Variants in DIP2A observed in about 807,000 individuals in gnomAD.
DIP2A encodes the protein disco-interacting protein 2 homolog A.
Under a neutral mutation model 177.4 loss-of-function variants are expected in DIP2A, and 85 were observed. The observed-to-expected ratio is 0.48, with a 90% confidence interval of 0.40 to 0.57. DIP2A has a LOEUF of 0.57. Among genes scored for constraint, DIP2A ranks in the 20% least tolerant of loss-of-function variants. The pLI is 0.00. For synonymous variants in DIP2A, 886 were observed against 881.8 expected (o/e 1.00, Z -0.08); for missense variants, 1,791 against 2,100.2 (o/e 0.85, Z 2.88).
At chr21:46,548,472 C>G (rs1274512503) in intron 21 of DIP2A, among the ~76,000 whole-genome samples, 6 of 152,194 alleles carry the variant, frequency 3.9e-5, no homozygotes, top group African/African-American at 1.4e-4. Context: ...GAACCACAAC[C>G]AATTGAGAGT....
chr21:46,554,788 C>CT (rs1569102918), intron 27 of DIP2A, 34 bp from the exon 28 acceptor site: 1 of 487,944 alleles, frequency 2.0e-6, no homozygotes, highest in Admixed American at 2.4e-5. Context: ...CTTGAGAGGC[C>CT]CCGCCCACCC....
In DIP2A at chr21:46,561,731, G is replaced by T. The variant is rs906893883; in HGVS notation, c.4032-17G>T. 13 of 1,613,768 alleles carry T rather than the reference G, an allele frequency of 8.1e-6. No individual in the cohort carries two copies. The Middle Eastern group carries it at 4.9e-4, about 61-fold the overall frequency. On this transcript the variant is annotated splice_polypyrimidine_tract_variant and intron_variant, in intron 33 of 37. Coordinates refer to ENST00000417564, the MANE Select transcript of DIP2A (RefSeq NM_015151.4). ...GTGTAGTAAATTTTGTACTGAAATT[G>T]TTCCCTTAATTTTTAGGGTTCGTTT...
Position 46,511,485 on chromosome 21 carries a change from C to G in DIP2A, c.973C>G (p.Leu325Val). 4.3e-6 allele frequency: 7 copies of G among 1,613,330 alleles called. No homozygotes were observed. Among genetic ancestry groups the G allele is most frequent in the Non-Finnish European group, 5.9e-6 (7 of 1,179,648 alleles). Residue 325 changes from leucine to valine, a missense_variant, in exon 8 of 38, where the codon CTC (leucine) becomes GTC (valine). Transcript: ENST00000417564. ...SETSVLRGEP[L>V]TAGVPRPPSL... ...GACGAGTGTGCTGAGAGGGGAGCCT[C>G]TCACTGCAGGTGTCCCCCGACCGCC... is the stretch of plus-strand genomic sequence containing the variant.
intron 8 of DIP2A, chr21:46,525,847 AG>A (rs1173423501): frequency 1.3e-5 from 2 of 150,086 alleles, no homozygotes; most frequent in Admixed American, 6.7e-5. Context: ...GAGTCTTAAG[AG>A]AATTAACACC....
At chr21:46,460,440 A>G (rs1047949280) in intron 1 of DIP2A, among the ~76,000 whole-genome samples, 1 of 152,214 alleles carries the variant, frequency 6.6e-6, no homozygotes, top group African/African-American at 2.4e-5. Flanking sequence ...ATGCATTTTC[A>G]GCTTTTAGAA....
intron 3 of DIP2A, among the ~76,000 whole-genome samples, chr21:46,494,449 G>T (rs955305470): frequency 1.2e-4 from 19 of 152,202 alleles, no homozygotes; most frequent in Non-Finnish European, 2.1e-4. Context: ...GTTCACTGTG[G>T]TGCTTGAAAA....
intron 21 of DIP2A, among the ~76,000 whole-genome samples, chr21:46,549,509 T>C (rs976460631): frequency 6.6e-6 from 1 of 152,212 alleles, no homozygotes; most frequent in Admixed American, 6.5e-5. Flanking sequence ...TTAAGGAATT[T>C]TTTCTTGTAA....
chr21:46,572,197 A>C (rs1463330095), downstream of DIP2A, among the ~76,000 whole-genome samples: 1 of 152,234 alleles, frequency 6.6e-6, no homozygotes, highest in African/African-American at 2.4e-5. Flanking sequence ...ACAGTTGTAC[A>C]ATGTGTTTTA....
chr21:46,582,260 C>T, the DIP2A span, among the ~76,000 whole-genome samples: 1 of 152,162 alleles, frequency 6.6e-6, no homozygotes, highest in Non-Finnish European at 1.5e-5. Context: ...GTGGGAAATT[C>T]CTCCTGGTTC....
chr21:46,556,786 G>A lies in DIP2A; in HGVS notation c.3499-153G>A. 1 of 660,568 alleles carries A rather than the reference G, an allele frequency of 1.5e-6. No individual in the cohort carries two copies. Among genetic ancestry groups the A allele is most frequent in the Non-Finnish European group, 2.4e-6 (1 of 408,732 alleles). 40.9% of individuals were successfully genotyped at this position (660,568 alleles called of 1,614,324 possible). On this transcript the variant is annotated intron_variant, in intron 29 of 37. Coordinates refer to ENST00000417564, the MANE Select transcript of DIP2A (RefSeq NM_015151.4). This position sits in a 1 kb window ranked among gnomAD's most constrained non-coding sequence, Gnocchi z 4.5. ...TTGGGTATTATTTAGGTTATATGGG[G>A]ATTTGAGCCAACCGTCTTTTAAGGA... is the stretch of plus-strand genomic sequence containing the variant.
intron 1 of DIP2A, among the ~76,000 whole-genome samples, chr21:46,468,787 AC>A (rs1463271776): frequency 2.6e-5 from 4 of 152,078 alleles, no homozygotes; most frequent in African/African-American, 9.7e-5. Context: ...GGATATACTT[AC>A]CTTTAAATTC....
intron 1 of DIP2A, among the ~76,000 whole-genome samples, chr21:46,477,141 G>A (rs1035008160): frequency 3.3e-5 from 5 of 152,124 alleles, no homozygotes; most frequent in Admixed American, 6.5e-5. Context: ...GGACCGGTCC[G>A]ATTGTTTGGG....
downstream of DIP2A, among the ~76,000 whole-genome samples, chr21:46,571,501 T>A (rs1371861530): frequency 6.6e-6 from 1 of 152,214 alleles, no homozygotes; most frequent in Non-Finnish European, 1.5e-5. Flanking sequence ...GTATGGCCAT[T>A]TTCACGATAT....
chr21:46,462,723 A>C (rs746779669), intron 1 of DIP2A: 25 of 152,222 alleles, frequency 1.6e-4, no homozygotes, highest in Non-Finnish European at 2.6e-4. Context: ...TTGGAAGAAG[A>C]AGCTTAACAG....
chr21:46,532,363 G>GCC (rs2059389354), intron 10 of DIP2A, 126 bp downstream of exon 10: 4 of 737,202 alleles, frequency 5.4e-6, no homozygotes, highest in Non-Finnish European at 8.9e-6. Context: ...GAGAAAGCTA[G>GCC]TAGTCAACAG....
chr21:46,567,541 G>C lies in DIP2A; in HGVS notation c.4635G>C (p.Arg1545=), dbSNP rs764176787. 5.0e-6 allele frequency: 8 copies of C among 1,613,882 alleles called. 1 individual carries two copies. Among genetic ancestry groups the C allele is most frequent in the Non-Finnish European group, 2.5e-6 (3 of 1,179,834 alleles). Residue 1545 remains arginine (R), a synonymous_variant, in exon 38 of 38, where the codon CGG becomes CGC. Transcript: ENST00000417564. ...CAGGGGTGATCCCTATCAACTCTCG[G>C]GGTGAGAAGCAGCGCATGCACCTGC... ...VDPGVIPINS[R]GEKQRMHLRD...
chr21:46,564,750 C>T (rs144656934), intron 35 of DIP2A, among the ~76,000 whole-genome samples: 3 of 152,338 alleles, frequency 2.0e-5, no homozygotes, highest in Non-Finnish European at 2.9e-5. Context: ...GCTGGCTTCT[C>T]CTGACTGGGA....
chr21:46,563,751 T>G lies in DIP2A; in HGVS notation c.4090-107T>G. The G allele has an allele frequency of 6.7e-7, 1 of 1,499,292 alleles. No homozygotes were observed. The highest frequency in any genetic ancestry group is 8.9e-7 in the Non-Finnish European group (1 of 1,120,144). 92.9% of individuals were successfully genotyped at this position (1,499,292 alleles called of 1,614,324 possible). On this transcript the variant is annotated intron_variant, in intron 34 of 37. Coordinates refer to ENST00000417564, the MANE Select transcript of DIP2A (RefSeq NM_015151.4). This position sits in a 1 kb window ranked among gnomAD's most constrained non-coding sequence, Gnocchi z 4.3. ...AACTTCCTGACCTGACATGAGCACA[T>G]CAGTCCTGCAGGCCAGCTTCTGAGG...
chr21:46,527,302 C>T (rs1025409536), intron 8 of DIP2A, among the ~76,000 whole-genome samples: 1 of 143,606 alleles, frequency 7.0e-6, no homozygotes, highest in East Asian at 2.1e-4. Flanking sequence ...TTAAAATAGG[C>T]TAAAACAGTG....
Sources: allele counts gnomAD v4.1 joint callset (sites outside exome capture counted in the v4.1 genomes callset), GRCh38; gene constraint gnomAD v4.1.1; non-coding constraint Gnocchi (gnomAD v3.1); transcripts MANE v1.5; gene names NCBI Gene and HGNC (gene_info 2026-07-23, HGNC 2026-07-21).